NPAS2: variants seen among roughly 807,000 people sequenced by gnomAD.
NPAS2 encodes the protein neuronal PAS domain-containing protein 2.
In NPAS2, 23 loss-of-function variants were observed where a neutral mutation model predicts 107.5. That is an observed-to-expected ratio of 0.21 (90% CI 0.15 to 0.30). The LOEUF (loss-of-function observed/expected upper bound fraction) is 0.30, where lower values mean the gene tolerates loss of function less well. Ranked by LOEUF, NPAS2 falls within the 10% of genes least tolerant of loss-of-function variation. NPAS2 has a pLI of 1.00. For synonymous variants in NPAS2, 403 were observed against 417.5 expected (o/e 0.97, Z 0.42); for missense variants, 756 against 1,043.3 (o/e 0.72, Z 3.79).
chr2:100,946,307 A>AT (rs61456214), intron 5 of NPAS2, among the ~76,000 whole-genome samples: 49,569 of 151,920 alleles, frequency 0.33, 8,351 homozygotes, highest in Middle Eastern at 0.49. Context: ...CTGATGTCCC[A>AT]TCAAGGGGGT....
intron 2 of NPAS2, among the ~76,000 whole-genome samples, chr2:100,923,298 G>A (rs1480467752): frequency 4.6e-5 from 7 of 152,124 alleles, no homozygotes; most frequent in Non-Finnish European, 8.8e-5. Flanking sequence ...GACCACACAC[G>A]TTAGCTGAGC....
chr2:100,837,365 A>G (rs1021844358), intron 1 of NPAS2, among the ~76,000 whole-genome samples: 1 of 152,142 alleles, frequency 6.6e-6, no homozygotes, highest in Non-Finnish European at 1.5e-5. Flanking sequence ...CTGGAATGCA[A>G]TGGTGCGATC....
At chr2:100,827,559 C>T (rs569931474) in intron 1 of NPAS2, among the ~76,000 whole-genome samples, 14 of 152,230 alleles carry the variant, frequency 9.2e-5, no homozygotes, top group African/African-American at 3.4e-4. Flanking sequence ...CTCCAGTAGT[C>T]TTCAGTACCT....
At chr2:100,845,800 CT>C (rs1158907768) in intron 1 of NPAS2, among the ~76,000 whole-genome samples, 1 of 152,218 alleles carries the variant, frequency 6.6e-6, no homozygotes, top group East Asian at 1.9e-4. Context: ...TAGTGACCAG[CT>C]GTCTTTGTCA....
intron 3 of NPAS2, among the ~76,000 whole-genome samples, chr2:100,929,709 G>A (rs1472875212): frequency 6.6e-6 from 1 of 152,196 alleles, no homozygotes; most frequent in Non-Finnish European, 1.5e-5. Flanking sequence ...TTGTTGTAGA[G>A]GGTGGAGAGC....
chr2:100,931,559 T>A (rs963095757), intron 3 of NPAS2, among the ~76,000 whole-genome samples: 1 of 147,280 alleles, frequency 6.8e-6, no homozygotes, highest in Non-Finnish European at 1.5e-5. Context: ...CGATCTTGGC[T>A]CACTGCAAGC....
At chr2:100,860,783 C>T (rs372013002) in intron 1 of NPAS2, among the ~76,000 whole-genome samples, 2 of 152,188 alleles carry the variant, frequency 1.3e-5, no homozygotes, top group African/African-American at 4.8e-5. Context: ...GACGTGTCCG[C>T]ATCATTCTTT....
At chr2:100,955,384 CA>C (rs1445763007) in intron 7 of NPAS2, among the ~76,000 whole-genome samples, 1 of 152,142 alleles carries the variant, frequency 6.6e-6, no homozygotes, top group African/African-American at 2.4e-5. Context: ...CATAAATAAG[CA>C]GCGGATAAAA....
intron 1 of NPAS2, among the ~76,000 whole-genome samples, chr2:100,880,462 C>G (rs1012850402): frequency 2.6e-5 from 4 of 152,168 alleles, no homozygotes; most frequent in Non-Finnish European, 4.4e-5. Flanking sequence ...AAAGAGGAAG[C>G]AAATTCTGAA....
upstream of NPAS2, among the ~76,000 whole-genome samples, chr2:100,819,940 G>T (rs1165400741): frequency 6.6e-6 from 1 of 151,950 alleles, no homozygotes; most frequent in Non-Finnish European, 1.5e-5. The surrounding 1 kb of genome is among the most constrained non-coding windows in gnomAD (Gnocchi z 5.8). Context: ...GGTCTAGGGG[G>T]CCGGGGGTCC....
In NPAS2 at chr2:100,978,566, C is replaced by T. The variant is rs374222839; in HGVS notation, c.1482+767C>T. On this transcript the variant is annotated intron_variant, in intron 15 of 20. Transcript: ENST00000335681. ...AGAAAGAAAGAAAAGAAAAGGATTA[C>T]GGCTTTGCTGAGTAATTCCATCCTT... is the stretch of plus-strand genomic sequence containing the variant. Among the ~76,000 whole-genome samples the T allele has an allele frequency of 7.9e-5, 12 of 152,168 alleles. No homozygotes were observed. The South Asian group carries it at 1.9e-3, about 24-fold the overall frequency.
intron 3 of NPAS2, among the ~76,000 whole-genome samples, chr2:100,930,071 T>C (rs1683837171): frequency 6.6e-6 from 1 of 152,244 alleles, no homozygotes; most frequent in Non-Finnish European, 1.5e-5. Flanking sequence ...GAGAAATCCC[T>C]AAAGTCTGTA....
intron 5 of NPAS2, among the ~76,000 whole-genome samples, chr2:100,942,861 C>T (rs1162351613): frequency 6.6e-6 from 1 of 152,164 alleles, no homozygotes. Context: ...GTGACTTCTC[C>T]TTTTGCTCAA....
chr2:100,993,421 T>C lies in NPAS2; in HGVS notation c.2186T>C (p.Val729Ala). 1.2e-6 allele frequency: 2 copies of C among 1,613,550 alleles called. No individual in the cohort carries two copies. Among genetic ancestry groups the C allele is most frequent in the Non-Finnish European group, 1.7e-6 (2 of 1,179,634 alleles). ...AACAGCAGCAGCGCCCCGATGCCCG[T>C]CCTGCTGATGGGGCAGGCGGTGCTC... ...PANSSSAPMP[V>A]LLMGQAVLHP... Residue 729 changes from valine (V) to alanine (A), a missense_variant, in exon 20 of 21, where the codon GTC (valine) becomes GCC (alanine). Coordinates refer to ENST00000335681, the MANE Select transcript of NPAS2 (RefSeq NM_002518.4).
chr2:100,952,346 C>T (rs574542941), intron 7 of NPAS2, among the ~76,000 whole-genome samples: 5 of 152,068 alleles, frequency 3.3e-5, no homozygotes, highest in African/African-American at 1.2e-4. Context: ...GGGCAGATCA[C>T]CTGAGGTCGG....
rs1676369520 is a variant in NPAS2, at chr2:100,968,636, G to A, written c.1055+208G>A. Among the ~76,000 whole-genome samples, 1 of 152,096 alleles carries A rather than the reference G, an allele frequency of 6.6e-6. No individual in the cohort carries two copies. Among genetic ancestry groups the A allele is most frequent in the Non-Finnish European group, 1.5e-5 (1 of 68,036 alleles). Reference sequence around the variant, plus strand: ...AGGCACCACTGGCTCTGCCCTCCCAGGGCTGAGACTCCTTTCAAGCTCTCA... The same window carrying A: ...AGGCACCACTGGCTCTGCCCTCCCAAGGCTGAGACTCCTTTCAAGCTCTCA... On this transcript the variant is annotated intron_variant, in intron 11 of 20. Transcript: ENST00000335681. This position sits in a 1 kb window ranked among gnomAD's most constrained non-coding sequence, Gnocchi z 5.3.
At chr2:100,853,790 C>T (rs1221796105) in intron 1 of NPAS2, among the ~76,000 whole-genome samples, 1 of 152,048 alleles carries the variant, frequency 6.6e-6, no homozygotes, top group East Asian at 1.9e-4. Flanking sequence ...TGGCACACAT[C>T]TGTTGGCTGG....
intron 1 of NPAS2, among the ~76,000 whole-genome samples, chr2:100,851,383 G>T (rs935627311): frequency 3.9e-5 from 6 of 152,188 alleles, no homozygotes; most frequent in African/African-American, 1.4e-4. Context: ...CATTGCTTAT[G>T]GCATGAGCAC....
chr2:100,954,664 C>T (rs546967765), intron 7 of NPAS2, among the ~76,000 whole-genome samples: 19 of 81,386 alleles, frequency 2.3e-4, no homozygotes, highest in Non-Finnish European at 4.7e-4. Context: ...AACTGTGTCT[C>T]AAAAAAAAAA....
Sources: gnomAD v4.1 joint callset for allele counts (sites outside exome capture counted in the v4.1 genomes callset) on GRCh38, gnomAD v4.1.1 for gene constraint, Gnocchi (gnomAD v3.1) non-coding constraint, MANE v1.5 for transcripts, NCBI Gene and HGNC (gene_info 2026-07-23, HGNC 2026-07-21) for gene names.